Variants in ANKRD30B observed in about 807,000 individuals in gnomAD.
ANKRD30B encodes ankyrin repeat domain 30B.
Under a neutral mutation model 202.2 loss-of-function variants are expected in ANKRD30B, and 144 were observed. The ratio of observed to expected loss-of-function variants is 0.71; its 90% CI spans 0.62 to 0.82. The LOEUF (loss-of-function observed/expected upper bound fraction) is 0.82. Ranked by LOEUF, ANKRD30B falls within the 40% of genes least tolerant of loss-of-function variation. The pLI is 0.00. For synonymous variants in ANKRD30B, 508 were observed against 561.3 expected, an observed-to-expected ratio of 0.91 and a Z score of 1.34; for missense variants, 1,487 against 1,669.1, an observed-to-expected ratio of 0.89 and a Z score of 1.90.
the ANKRD30B span, among the ~76,000 whole-genome samples, chr18:14,913,275 C>CT: frequency 6.6e-6 from 1 of 152,190 alleles, no homozygotes; most frequent in Admixed American, 6.5e-5. Flanking sequence ...AAGTGCCATG[C>CT]TGACAACCAT....
intron 32 of ANKRD30B, among the ~76,000 whole-genome samples, chr18:14,823,459 C>T (rs1271591060): frequency 5.9e-5 from 9 of 151,422 alleles, no homozygotes; most frequent in Admixed American, 2.0e-4. Flanking sequence ...TAAAGAAAAT[C>T]GGTTTCTTGT....
the ANKRD30B span, among the ~76,000 whole-genome samples, chr18:14,893,667 C>T: frequency 2.7e-5 from 4 of 150,816 alleles, no homozygotes; most frequent in African/African-American, 7.3e-5. Context: ...TCAGAAGCCA[C>T]GAAGTTGCTC....
intron 16 of ANKRD30B, among the ~76,000 whole-genome samples, chr18:14,794,401 CA>C (rs1968734251): frequency 6.6e-6 from 1 of 151,378 alleles, no homozygotes; most frequent in South Asian, 2.1e-4. Flanking sequence ...TTAGAAAGGT[CA>C]AAGCCAGCTA....
chr18:14,935,302 G>C, the ANKRD30B span, among the ~76,000 whole-genome samples: 5 of 152,300 alleles, frequency 3.3e-5, no homozygotes, highest in East Asian at 9.7e-4. Context: ...CAGCTAGTTA[G>C]CTTTCCGGTG....
At chr18:14,889,948 G>T in the ANKRD30B span, 1 of 697,174 alleles carries the variant, frequency 1.4e-6, no homozygotes, top group East Asian at 2.7e-5. Context: ...CGACAAAAAT[G>T]AGTTTTAAAA....
At chr18:14,817,278 A>C (rs940558346) in intron 30 of ANKRD30B, among the ~76,000 whole-genome samples, 1 of 152,202 alleles carries the variant, frequency 6.6e-6, no homozygotes, top group South Asian at 2.1e-4. Context: ...ATACATTTCA[A>C]TAGCCATTAC....
chr18:14,852,717 T>G (rs1043612390), intron 42 of ANKRD30B: 50 of 200,322 alleles, frequency 2.5e-4, no homozygotes, highest in African/African-American at 1.0e-3. Context: ...AATGTCTCTT[T>G]GTGGCCACAT....
At chr18:14,909,856 C>A in the ANKRD30B span, 1 of 152,024 alleles carries the variant, frequency 6.6e-6, no homozygotes, top group Non-Finnish European at 1.5e-5. Context: ...ACAATACTAG[C>A]ATCTACTTTG....
chr18:14,818,080 A>G (rs1162078535), intron 30 of ANKRD30B, among the ~76,000 whole-genome samples: 1 of 152,188 alleles, frequency 6.6e-6, no homozygotes, highest in Non-Finnish European at 1.5e-5. Context: ...AAAATGAGAG[A>G]TTAAGCATGT....
intron 15 of ANKRD30B, among the ~76,000 whole-genome samples, chr18:14,790,278 G>A (rs1345709592): frequency 6.6e-6 from 1 of 152,128 alleles, no homozygotes; most frequent in Non-Finnish European, 1.5e-5. Context: ...ATCAGCTTAA[G>A]GAGATTTTGG....
chr18:14,824,568 T>C (rs1970587489), intron 32 of ANKRD30B, among the ~76,000 whole-genome samples: 1 of 152,188 alleles, frequency 6.6e-6, no homozygotes, highest in Admixed American at 6.5e-5. Context: ...ATTTTGTAGA[T>C]GAGATGGGAG....
chr18:14,748,889 G>C (rs3889978), intron 1 of ANKRD30B, among the ~76,000 whole-genome samples: 10,109 of 152,320 alleles, frequency 0.066, 432 homozygotes, highest in Admixed American at 0.13. Flanking sequence ...AGCTTTAGCT[G>C]CTTTCTCCTT....
intron 6 of ANKRD30B, among the ~76,000 whole-genome samples, chr18:14,761,397 A>G (rs1915236775): frequency 6.6e-6 from 1 of 152,218 alleles, no homozygotes; most frequent in South Asian, 2.1e-4. Flanking sequence ...CTTTGAGTCA[A>G]CATACCTGTG....
chr18:14,793,930 T>C (rs1426595933), intron 16 of ANKRD30B, among the ~76,000 whole-genome samples: 1 of 152,084 alleles, frequency 6.6e-6, no homozygotes, highest in Admixed American at 6.6e-5. Context: ...ATTTTTACTT[T>C]CCACCACATT....
chr18:14,859,213 G>T, downstream of ANKRD30B, among the ~76,000 whole-genome samples: 1 of 50,346 alleles, frequency 2.0e-5, no homozygotes, highest in Non-Finnish European at 3.7e-5. Context: ...CCAGATGATG[G>T]GCAGCTGGGC....
intron 16 of ANKRD30B, among the ~76,000 whole-genome samples, chr18:14,792,981 G>GA (rs1313311054): frequency 2.6e-5 from 4 of 151,956 alleles, no homozygotes; most frequent in Non-Finnish European, 4.4e-5. Context: ...TTTTAACCTA[G>GA]AAAATTTTGT....
chr18:14,767,804 A>G (rs1916488579), intron 7 of ANKRD30B, among the ~76,000 whole-genome samples: 1 of 152,246 alleles, frequency 6.6e-6, no homozygotes, highest in South Asian at 2.1e-4. Flanking sequence ...AGAATGACAC[A>G]TTATTTAGAA....
intron 1 of ANKRD30B, 63 bp downstream of exon 1, chr18:14,748,703 T>A: frequency 7.0e-7 from 1 of 1,427,386 alleles, no homozygotes; most frequent in East Asian, 2.5e-5. Context: ...GGATCGCCCC[T>A]TCAGAGTGGT....
intron 30 of ANKRD30B, among the ~76,000 whole-genome samples, chr18:14,820,273 G>A (rs147218202): frequency 0.014 from 2,193 of 152,252 alleles, 60 homozygotes; most frequent in African/African-American, 0.051. Context: ...TTGAGACAAT[G>A]GGGTTTTCTA....
Sources: gnomAD v4.1 joint callset for allele counts (sites outside exome capture counted in the v4.1 genomes callset) on GRCh38, gnomAD v4.1.1 for gene constraint, MANE v1.5 for transcripts, NCBI Gene and HGNC (gene_info 2026-07-23, HGNC 2026-07-21) for gene names.